ANO3: variants seen among roughly 807,000 people sequenced by gnomAD.
The protein encoded by ANO3 is anoctamin-3.
ANO3 carries 99 observed loss-of-function variants against 144.8 expected under a neutral mutation model. The observed-to-expected ratio is 0.68, with a 90% CI of 0.58 to 0.81. ANO3 has a LOEUF of 0.81. Among genes scored for constraint, ANO3 ranks in the 30% least tolerant of loss-of-function variants. The probability of loss-of-function intolerance (pLI) is 0.00; values close to 1 mark genes in which losing one functional copy is unlikely to be tolerated. For synonymous variants in ANO3, 414 were observed against 392.6 expected, an observed-to-expected ratio of 1.05 and a Z score of -0.64; for missense variants, 905 against 1,202.2, an observed-to-expected ratio of 0.75 and a Z score of 3.66.
rs545057157 is a variant in ANO3, at chr11:26,290,442, C to T, written c.155-19203C>T. Among the ~76,000 whole-genome samples, 20 of 152,156 alleles carry T rather than the reference C, an allele frequency of 1.3e-4. No homozygotes were observed. The East Asian group carries it at 3.5e-3, about 27-fold the overall frequency. On this transcript the variant is annotated intron_variant, in intron 1 of 27. Transcript: ENST00000672621. ...TGCTCTGATCTTAATTATTTCCTGC[C>T]TTCTGCTAGCTTTTGAATGTGTTTG...
At chr11:26,502,309 T>C (rs1001098649) in intron 4 of ANO3, among the ~76,000 whole-genome samples, 1 of 152,158 alleles carries the variant, frequency 6.6e-6, no homozygotes, top group African/African-American at 2.4e-5. Context: ...GCTTGCACTG[T>C]CTCATTTAGC....
intron 1 of ANO3, among the ~76,000 whole-genome samples, chr11:26,422,357 C>T (rs1371314732): frequency 6.6e-6 from 1 of 151,994 alleles, no homozygotes; most frequent in East Asian, 1.9e-4. Flanking sequence ...ATCTGAATAG[C>T]AGCTTCTCCT....
At chr11:26,460,828 A>G (rs1272211051) in intron 3 of ANO3, among the ~76,000 whole-genome samples, 1 of 152,136 alleles carries the variant, frequency 6.6e-6, no homozygotes, top group African/African-American at 2.4e-5. Context: ...TAATTAATGT[A>G]AATTGTCATT....
chr11:26,507,026 G>A (rs1861461529), intron 4 of ANO3, among the ~76,000 whole-genome samples: 1 of 152,174 alleles, frequency 6.6e-6, no homozygotes, highest in Admixed American at 6.5e-5. Flanking sequence ...TGGTACAGAT[G>A]TCCAAATAGT....
At chr11:26,565,275 C>T in intron 14 of ANO3, 1 of 1,601,390 alleles carries the variant, frequency 6.2e-7, no homozygotes, top group Non-Finnish European at 8.5e-7. Context: ...GAAGCTATCA[C>T]TGTTTGTGGT....
intron 1 of ANO3, among the ~76,000 whole-genome samples, chr11:26,217,556 T>C (rs1285248633): frequency 1.3e-5 from 2 of 152,076 alleles, no homozygotes; most frequent in African/African-American, 4.8e-5. Flanking sequence ...ATGTTTTACA[T>C]AGCTTTTTGT....
chr11:26,604,013 T>C (rs552094648), intron 17 of ANO3, among the ~76,000 whole-genome samples: 1 of 152,162 alleles, frequency 6.6e-6, no homozygotes, highest in Non-Finnish European at 1.5e-5. Flanking sequence ...TGTTACACAA[T>C]GTCACCCTAC....
intron 1 of ANO3, among the ~76,000 whole-genome samples, chr11:26,212,091 G>A (rs1851945233): frequency 6.6e-6 from 1 of 152,080 alleles, no homozygotes; most frequent in Non-Finnish European, 1.5e-5. Flanking sequence ...ATAGTATTAG[G>A]AGAAATACCT....
rs772621784 is a variant in ANO3, at chr11:26,562,938, G to A, written c.1447+3159G>A. On this transcript the variant is annotated intron_variant, in intron 14 of 26. Coordinates refer to ENST00000256737, the MANE Select transcript of ANO3 (RefSeq NM_031418.4). ...AATGTTTTTTAAATTTCAGTCACAGGTCTATAATTATTTTGGTTTTGTTCT... is the reference window on the plus strand; with the variant it reads ...AATGTTTTTTAAATTTCAGTCACAGATCTATAATTATTTTGGTTTTGTTCT... 3.2e-5 allele frequency: 27 copies of A among 831,680 alleles called. No individual in the cohort carries two copies. In the African/African-American group the frequency reaches 3.4e-4, roughly 10 times the overall value. 51.5% of individuals were successfully genotyped at this position (831,680 alleles called of 1,614,324 possible). A position where few individuals can be genotyped will look rare whatever the true frequency, so the allele number is the denominator to read the frequency against.
chr11:26,549,934 C>T (rs1590507944), intron 12 of ANO3, among the ~76,000 whole-genome samples: 1 of 151,998 alleles, frequency 6.6e-6, no homozygotes. Context: ...TCCAAGCCCT[C>T]TCTTGACACT....
At chr11:26,290,134 C>G (rs1289717266) in intron 1 of ANO3, among the ~76,000 whole-genome samples, 1 of 152,030 alleles carries the variant, frequency 6.6e-6, no homozygotes, top group Non-Finnish European at 1.5e-5. Flanking sequence ...CTGGTTTAGT[C>G]TTGGGAGGGC....
chr11:26,421,653 C>T (rs1181704395), intron 1 of ANO3, among the ~76,000 whole-genome samples: 1 of 151,952 alleles, frequency 6.6e-6, no homozygotes, highest in African/African-American at 2.4e-5. Flanking sequence ...TAGGCTTTAT[C>T]AAGCACATGT....
intron 9 of ANO3, among the ~76,000 whole-genome samples, chr11:26,534,972 A>G (rs1329503146): frequency 1.8e-5 from 2 of 109,610 alleles, no homozygotes; most frequent in Admixed American, 2.2e-4. Flanking sequence ...TAGTACATTC[A>G]TTAAAAGTTA....
At chr11:26,373,179 C>G (rs1856311021) in intron 1 of ANO3, among the ~76,000 whole-genome samples, 2 of 152,058 alleles carry the variant, frequency 1.3e-5, no homozygotes, top group Admixed American at 6.6e-5. Context: ...TATAGAGTAG[C>G]AGGTGATATG....
chr11:26,202,057 A>G (rs963258179), intron 1 of ANO3, among the ~76,000 whole-genome samples: 1 of 151,200 alleles, frequency 6.6e-6, no homozygotes, highest in East Asian at 1.9e-4. Context: ...ATTGGAAAAA[A>G]AAGTGAAGCA....
At chr11:26,347,546 A>G (rs1317181391) in intron 1 of ANO3, among the ~76,000 whole-genome samples, 1 of 152,206 alleles carries the variant, frequency 6.6e-6, no homozygotes, top group Non-Finnish European at 1.5e-5. Flanking sequence ...GTTCTGTCAA[A>G]TTAATTATAG....
chr11:26,226,449 G>C (rs563353675), intron 1 of ANO3, among the ~76,000 whole-genome samples: 20 of 152,010 alleles, frequency 1.3e-4, no homozygotes, highest in Non-Finnish European at 2.8e-4. Flanking sequence ...ATATATGAAT[G>C]AAAAACAAAT....
intron 4 of ANO3, among the ~76,000 whole-genome samples, chr11:26,493,791 C>T (rs1182010956): frequency 6.6e-6 from 1 of 152,134 alleles, no homozygotes; most frequent in South Asian, 2.1e-4. Flanking sequence ...CCCTCAGGGA[C>T]TGCCATTCAC....
Position 26,431,601 on chromosome 11 carries a change from T to C in ANO3, c.47-10317T>C, listed in dbSNP as rs527688707. Among the ~76,000 whole-genome samples the C allele has an allele frequency of 7.9e-5, 12 of 152,306 alleles. No homozygotes were observed. In the East Asian group the frequency reaches 2.3e-3, roughly 29 times the overall value. On this transcript the variant is annotated intron_variant, in intron 1 of 26. Transcript: ENST00000256737. Reference sequence around the variant, plus strand: ...ACCGCAGCGTCTGTTCCCTTCTATATGTCCATGTGTTCTCATTGTTCAGCT... The same window carrying C: ...ACCGCAGCGTCTGTTCCCTTCTATACGTCCATGTGTTCTCATTGTTCAGCT...
Sources: gnomAD v4.1 joint callset for allele counts (sites outside exome capture counted in the v4.1 genomes callset) on GRCh38, gnomAD v4.1.1 for gene constraint, MANE v1.5 for transcripts, NCBI Gene and HGNC (gene_info 2026-07-23, HGNC 2026-07-21) for gene names.